TPO: variants seen among roughly 807,000 people sequenced by gnomAD.
TPO encodes thyroid microsomal antigen.
A neutral mutation model predicts 96.9 loss-of-function variants in TPO; 78 were observed. The observed-to-expected ratio is 0.81, with a 90% CI of 0.67 to 0.97. The LOEUF (loss-of-function observed/expected upper bound fraction) is 0.97, where lower values mean the gene tolerates loss of function less well. Among genes scored for constraint, TPO ranks in the 50% least tolerant of loss-of-function variants. TPO has a pLI of 0.00. For synonymous variants in TPO, 547 were observed against 538.0 expected (o/e 1.02, Z -0.23); for missense variants, 1,252 against 1,274.8 (o/e 0.98, Z 0.27).
rs565250618 is a variant in TPO, at chr2:1,388,378, G to A, written n.180+13976G>A. Among the ~76,000 whole-genome samples, 420 of 152,300 alleles carry A rather than the reference G, an allele frequency of 2.8e-3. 1 individual carries two copies. The highest frequency in any genetic ancestry group is 9.5e-3 in the African/African-American group (396 of 41,570). ...TCCACCCAGTTCGAGCTTCCTGGCC[G>A]CTTTGTTTACCTACTCAAGCCTCAG... On this transcript the variant is annotated intron_variant and non_coding_transcript_variant, in intron 1 of 5. Coordinates refer to the TPO transcript ENST00000497517.
At chr2:1,529,351 T>A (rs1573585026) in intron 15 of TPO, among the ~76,000 whole-genome samples, 1 of 72,388 alleles carries the variant, frequency 1.4e-5, no homozygotes, top group Non-Finnish European at 2.4e-5. Flanking sequence ...GTGTGCAACC[T>A]CCCCAAATCC....
chr2:1,499,592 CCT>C (rs1167604245), intron 13 of TPO, among the ~76,000 whole-genome samples: 1 of 139,476 alleles, frequency 7.2e-6, no homozygotes, highest in African/African-American at 2.6e-5. Context: ...CACCACAATC[CCT>C]GAGTCAGGGC....
rs73908724 is a variant in TPO at position 1,455,378 on chromosome 2, C to G, written c.613-698C>G. ...TGCTCACCCCATTCCAAGGTTCCCC[C>G]AAACCCCATCCCATGACGGCACCAA... On this transcript the variant is annotated intron_variant, in intron 6 of 16. Coordinates refer to ENST00000329066, the MANE Select transcript of TPO (RefSeq NM_001206744.2). 4.4e-3 allele frequency among the ~76,000 whole-genome samples: 665 copies of G among 152,284 alleles called. 4 individuals are homozygous for G. Among genetic ancestry groups the G allele is most frequent in the African/African-American group, 0.015 (637 of 41,556 alleles).
intron 7 of TPO, among the ~76,000 whole-genome samples, chr2:1,459,093 T>G (rs918924355): frequency 6.6e-6 from 1 of 152,122 alleles, no homozygotes; most frequent in African/African-American, 2.4e-5. Flanking sequence ...AGAGACAATA[T>G]AGGTAGATTT....
At chr2:1,487,077 C>T (rs1479731477) in intron 9 of TPO, among the ~76,000 whole-genome samples, 2 of 152,200 alleles carry the variant, frequency 1.3e-5, no homozygotes, top group Admixed American at 6.5e-5. Context: ...CCTGACAGGC[C>T]GTGGGGCCTG....
chr2:1,436,171 A>G, intron 4 of TPO, 81 bp from the exon 5 acceptor site: 1 of 1,608,120 alleles, frequency 6.2e-7, no homozygotes, highest in Non-Finnish European at 8.5e-7. Context: ...TGCTGGAGTC[A>G]CTTTTGAGAC....
At chr2:1,510,432 A>G (rs1331553211) in intron 14 of TPO, among the ~76,000 whole-genome samples, 2 of 152,122 alleles carry the variant, frequency 1.3e-5, no homozygotes, top group Non-Finnish European at 2.9e-5. Flanking sequence ...GGCCCCAGGA[A>G]ACACTTCTAC....
intron 1 of TPO, among the ~76,000 whole-genome samples, chr2:1,375,139 A>G (rs1661703367): frequency 6.6e-6 from 1 of 151,964 alleles, no homozygotes; most frequent in African/African-American, 2.4e-5. Flanking sequence ...AAAAAAAAGC[A>G]TGAAGAAAAT....
chr2:1,389,351 CT>C (rs1558243855), intron 1 of TPO, among the ~76,000 whole-genome samples: 1 of 152,168 alleles, frequency 6.6e-6, no homozygotes, highest in Non-Finnish European at 1.5e-5. Context: ...GTATTTGCAA[CT>C]TCATCTTCCT....
At chr2:1,417,016 T>C (rs1286131429) in intron 2 of TPO, among the ~76,000 whole-genome samples, 1 of 152,202 alleles carries the variant, frequency 6.6e-6, no homozygotes, top group Non-Finnish European at 1.5e-5. Context: ...ACCCATTTTA[T>C]AGATCAAAAC....
chr2:1,537,791 TTGTGAGCAATGTCCCCAAATCCCCCCAC>T (rs1379459493), intron 15 of TPO, among the ~76,000 whole-genome samples: 121 of 26,604 alleles, frequency 4.5e-3, no homozygotes, highest in African/African-American at 0.013. Flanking sequence ...AATCCCCCCA[TTGTGAGCAATGTCCCCAAATCCCCCCAC>T]TGTGAGCAAC....
In TPO at chr2:1,414,289, C is replaced by T. The variant is rs556293047; in HGVS notation, c.-1-119C>T. On this transcript the variant is annotated intron_variant, in intron 1 of 16. Coordinates refer to ENST00000329066, the MANE Select transcript of TPO (RefSeq NM_001206744.2). ...CCAGGCCTGTGAGGGTCGCTCACTGCGGTAGAGGCTGCGTGGAGTCAGTGG... is the reference window on the plus strand; with the variant it reads ...CCAGGCCTGTGAGGGTCGCTCACTGTGGTAGAGGCTGCGTGGAGTCAGTGG... The T allele has an allele frequency of 6.2e-5, 59 of 954,866 alleles. 1 individual carries two copies. The highest frequency in any genetic ancestry group is 3.4e-4 in the African/African-American group (21 of 62,198). The allele number at this position is 954,866 out of a possible 1,614,324, so 59.1% of individuals were successfully genotyped here. A position where few individuals can be genotyped will look rare whatever the true frequency, so the allele number is the denominator to read the frequency against.
At chr2:1,448,877 C>A (rs1223639983) in intron 5 of TPO, among the ~76,000 whole-genome samples, 1 of 152,140 alleles carries the variant, frequency 6.6e-6, no homozygotes, top group Non-Finnish European at 1.5e-5. Context: ...TCCATCCAGG[C>A]GGGACAGACT....
intron 1 of TPO, 106 bp from the exon 2 acceptor site, chr2:1,414,302 G>A (rs184331680): frequency 2.3e-5 from 25 of 1,079,574 alleles, no homozygotes; most frequent in Middle Eastern, 2.8e-4. Context: ...TAGAGGCTGC[G>A]TGGAGTCAGT....
intron 1 of TPO, among the ~76,000 whole-genome samples, chr2:1,404,279 G>T (rs1662216008): frequency 6.6e-6 from 1 of 152,146 alleles, no homozygotes; most frequent in Admixed American, 6.5e-5. Flanking sequence ...TTAGCCAATT[G>T]TGGTAATGCA....
intron 15 of TPO, among the ~76,000 whole-genome samples, chr2:1,521,861 A>T (rs1675306662): frequency 6.6e-6 from 1 of 151,964 alleles, no homozygotes; most frequent in Non-Finnish European, 1.5e-5. Flanking sequence ...CATGAACCAC[A>T]GCAAGGACAG....
intron 1 of TPO, 127 bp from the exon 2 acceptor site, chr2:1,414,281 G>A (rs936256199): frequency 1.2e-4 from 108 of 887,678 alleles, no homozygotes; most frequent in South Asian, 2.0e-4. Flanking sequence ...TGTGAGGGTC[G>A]CTCACTGCGG....
chr2:1,453,882 G>A, intron 6 of TPO, 59 bp downstream of exon 6: 1 of 1,611,744 alleles, frequency 6.2e-7, no homozygotes, highest in Non-Finnish European at 8.5e-7. Context: ...TGCTGAGGGA[G>A]GGAAATAGCC....
chr2:1,489,650 C>CTGAATGAATGAATGAA (rs59667255), intron 10 of TPO, among the ~76,000 whole-genome samples: 5,583 of 150,382 alleles, frequency 0.037, 134 homozygotes, highest in Admixed American at 0.084. Context: ...GGAACCCTCA[C>CTGAATGAATGAATGAA]TGAATGAATG....
Sources: allele counts gnomAD v4.1 joint callset (sites outside exome capture counted in the v4.1 genomes callset), GRCh38; gene constraint gnomAD v4.1.1; transcripts MANE v1.5; gene names NCBI Gene and HGNC (gene_info 2026-07-23, HGNC 2026-07-21).